The following MDGA2 variants were observed in gnomAD, a reference collection of about 807,000 sequenced individuals.
The protein encoded by MDGA2 is MAM domain-containing glycosylphosphatidylinositol anchor protein 2.
MDGA2 carries 40 observed loss-of-function variants against 117.8 expected under a neutral mutation model. The ratio of observed to expected loss-of-function variants is 0.34; its 90% CI spans 0.26 to 0.44. The LOEUF is 0.44. Among genes scored for constraint, MDGA2 ranks in the 20% least tolerant of loss-of-function variants. The probability of loss-of-function intolerance (pLI) is 1.00; values close to 1 mark genes in which losing one functional copy is unlikely to be tolerated. For synonymous variants in MDGA2, 452 were observed against 439.0 expected (o/e 1.03, Z -0.37); for missense variants, 1,123 against 1,250.6 (o/e 0.90, Z 1.54).
At chr14:46,858,936 T>C (rs991573005) in intron 14 of MDGA2, among the ~76,000 whole-genome samples, 2 of 152,188 alleles carry the variant, frequency 1.3e-5, no homozygotes, top group African/African-American at 2.4e-5. Context: ...GGCTATTGGC[T>C]CCTGTTATAG....
At chr14:47,204,384 C>A (rs144809070) in intron 3 of MDGA2, among the ~76,000 whole-genome samples, 2 of 151,870 alleles carry the variant, frequency 1.3e-5, no homozygotes, top group Non-Finnish European at 2.9e-5. Context: ...AAATAAAACA[C>A]AAATTCAATG....
intron 3 of MDGA2, among the ~76,000 whole-genome samples, chr14:47,198,206 G>C (rs567046670): frequency 7.5e-4 from 114 of 152,246 alleles, no homozygotes; most frequent in African/African-American, 2.6e-3. Context: ...ACAGCAATTT[G>C]TTTAAAATAG....
rs202047105 is a variant in MDGA2 at position 46,874,062 on chromosome 14, C to T, written c.2576G>A (p.Arg859His). The T allele has an allele frequency of 7.6e-5, 117 of 1,545,578 alleles. No individual in the cohort carries two copies. Among genetic ancestry groups the T allele is most frequent in the East Asian group, 1.0e-4 (4 of 40,066 alleles). Residue 859 changes from arginine to histidine, a missense_variant, in exon 13 of 17, where the codon CGT (arginine) becomes CAT (histidine). This residue lies in a region of MDGA2 where 890 missense variants were observed against 1,050.3 expected (regional missense o/e 0.85). Coordinates refer to ENST00000399232, the MANE Select transcript of MDGA2 (RefSeq NM_001113498.3). Reference protein sequence around the residue: ...YTPNTGPNADRSGSKEGFYMY... With the variant: ...YTPNTGPNADHSGSKEGFYMY... ...CCCCATACCTTCTTTGGAGCCACTA[C>T]GGTCAGCATTAGGTCCTGTATTAGG...
At chr14:47,135,703 T>C in intron 4 of MDGA2, among the ~76,000 whole-genome samples, 1 of 152,134 alleles carries the variant, frequency 6.6e-6, no homozygotes, top group East Asian at 1.9e-4. Context: ...AACCGTTAGT[T>C]TGTCATTTGA....
At chr14:47,084,236 CAGAG>C (rs1890810560) in intron 6 of MDGA2, among the ~76,000 whole-genome samples, 2 of 151,964 alleles carry the variant, frequency 1.3e-5, no homozygotes, top group Admixed American at 1.3e-4. Flanking sequence ...AAATAAGTGA[CAGAG>C]AGATTATAGG....
At position 47,464,100 on chromosome 14, in the gene MDGA2, T is replaced by TACACAC. The variant is rs71449610; in HGVS notation, c.281-162556_281-162551dup. On this transcript the variant is annotated intron_variant, in intron 1 of 16. Coordinates refer to ENST00000399232, the MANE Select transcript of MDGA2 (RefSeq NM_001113498.3). ...TAAAATTCATTTCTCACTTACTATG[T>TACACAC]ACACACACACACACACACACACACA... Among the ~76,000 whole-genome samples, 1,180 of 141,550 alleles carry TACACAC rather than the reference T, an allele frequency of 8.3e-3. 7 individuals carry two copies. Among genetic ancestry groups the TACACAC allele is most frequent in the Middle Eastern group, 0.026 (7 of 272 alleles). 92.9% of individuals were successfully genotyped at this position (141,550 alleles called of 152,430 possible). A position where few individuals can be genotyped will look rare whatever the true frequency, so the allele number is the denominator to read the frequency against.
intron 2 of MDGA2, among the ~76,000 whole-genome samples, chr14:47,265,712 A>C (rs1887943966): frequency 6.6e-6 from 1 of 152,090 alleles, no homozygotes; most frequent in African/African-American, 2.4e-5. Flanking sequence ...CCAAATCTGA[A>C]AACTCCTAGA....
chr14:46,893,626 A>G (rs184255959), intron 10 of MDGA2, among the ~76,000 whole-genome samples: 1 of 152,196 alleles, frequency 6.6e-6, no homozygotes, highest in Non-Finnish European at 1.5e-5. Context: ...ATCATGTTGT[A>G]TACCTTAAAA....
intron 8 of MDGA2, among the ~76,000 whole-genome samples, chr14:47,021,125 A>AT (rs1181062250): frequency 6.6e-6 from 1 of 152,138 alleles, no homozygotes; most frequent in Non-Finnish European, 1.5e-5. Context: ...AAGCATTGTG[A>AT]TTTTTTTCTT....
At chr14:47,400,447 G>C (rs150789703) in intron 1 of MDGA2, among the ~76,000 whole-genome samples, 9 of 152,002 alleles carry the variant, frequency 5.9e-5, no homozygotes, top group African/African-American at 2.2e-4. Flanking sequence ...ATCTGGCTCC[G>C]ATTTAAAATC....
intron 3 of MDGA2, among the ~76,000 whole-genome samples, chr14:47,207,362 G>A (rs1417769242): frequency 1.3e-5 from 2 of 151,864 alleles, no homozygotes; most frequent in African/African-American, 4.8e-5. Flanking sequence ...AATTTTTAGC[G>A]GCAAGTACTG....
At chr14:47,277,331 G>T (rs995191906) in intron 2 of MDGA2, among the ~76,000 whole-genome samples, 2 of 152,188 alleles carry the variant, frequency 1.3e-5, no homozygotes, top group Non-Finnish European at 2.9e-5. Context: ...TGGATAAACA[G>T]TGAACAAGAC....
At chr14:47,132,254 G>T (rs914567876) in intron 4 of MDGA2, among the ~76,000 whole-genome samples, 6 of 151,758 alleles carry the variant, frequency 4.0e-5, no homozygotes, top group African/African-American at 1.4e-4. Context: ...GATGTGAGAA[G>T]ACAAAAGAAA....
intron 3 of MDGA2, among the ~76,000 whole-genome samples, chr14:47,197,081 G>T (rs1257921701): frequency 6.6e-6 from 1 of 152,160 alleles, no homozygotes; most frequent in South Asian, 2.1e-4. Flanking sequence ...TGGGTATCTA[G>T]GTTGATTCCC....
intron 2 of MDGA2, among the ~76,000 whole-genome samples, chr14:47,239,194 C>T (rs10484192): frequency 0.082 from 12,215 of 148,994 alleles, 680 homozygotes; most frequent in African/African-American, 0.085. Flanking sequence ...CCCTGACGAC[C>T]GTAACCTTTA....
intron 5 of MDGA2, 114 bp from the exon 6 acceptor site, chr14:47,097,237 T>C (rs1880028669): frequency 8.8e-7 from 1 of 1,138,242 alleles, no homozygotes; most frequent in African/African-American, 1.6e-5. Flanking sequence ...TAGTCCTCTT[T>C]TGCCAAAATC....
intron 8 of MDGA2, among the ~76,000 whole-genome samples, chr14:46,986,387 T>C (rs1023284929): frequency 3.9e-5 from 6 of 152,060 alleles, no homozygotes; most frequent in African/African-American, 1.4e-4. Flanking sequence ...CCTTTAATTA[T>C]AAAGCACCAG....
intron 15 of MDGA2, among the ~76,000 whole-genome samples, chr14:46,853,141 T>G (rs1881129244): frequency 6.6e-6 from 1 of 151,950 alleles, no homozygotes; most frequent in South Asian, 2.1e-4. Context: ...CAAATTGAAC[T>G]TACAGAGATG....
intron 1 of MDGA2, among the ~76,000 whole-genome samples, chr14:47,385,488 G>A (rs573976597): frequency 1.7e-4 from 26 of 152,012 alleles, no homozygotes; most frequent in Non-Finnish European, 3.2e-4. Flanking sequence ...TTCAAGAATG[G>A]CAAATAGGAC....
Sources: gnomAD v4.1 joint callset for allele counts (sites outside exome capture counted in the v4.1 genomes callset) on GRCh38, gnomAD v4.1.1 for gene constraint, gnomAD v4.1.1 regional missense constraint, MANE v1.5 for transcripts, NCBI Gene and HGNC (gene_info 2026-07-23, HGNC 2026-07-21) for gene names.